The following APCDD1L variants were observed in gnomAD, a reference collection of about 807,000 sequenced individuals.
APCDD1L encodes the protein APC down-regulated 1 like.
A neutral mutation model predicts 24.2 loss-of-function variants in APCDD1L; 21 were observed. That is an observed-to-expected ratio of 0.87 (90% CI 0.61 to 1.25). The LOEUF is 1.25. APCDD1L is among the 50% of genes most tolerant of loss of function. The pLI, the probability that APCDD1L is intolerant of heterozygous loss-of-function variation, is 0.00. For missense variants in APCDD1L, 704 were observed against 711.7 expected (o/e 0.99, Z 0.12); for synonymous variants, 321 against 323.6 (o/e 0.99, Z 0.09).
Position 58,494,708 on chromosome 20 carries a change from C to T in APCDD1L, c.49+19951G>A, listed in dbSNP as rs1292227247. 6.6e-6 allele frequency among the ~76,000 whole-genome samples: 1 copy of T among 152,148 alleles called. No homozygotes were observed. The highest frequency in any genetic ancestry group is 1.5e-5 in the Non-Finnish European group (1 of 68,034). ...TATCTAATAAAAATGCACATTTGAT[C>T]AAGTCAGTCCTGTTGAAAGCCCCTT... On this transcript the variant is annotated intron_variant, in intron 1 of 3. Coordinates refer to ENST00000371149, the MANE Select transcript of APCDD1L (RefSeq NM_153360.3). The surrounding 1 kb of genome is among the most constrained non-coding windows in gnomAD (Gnocchi z 4.8).
At chr20:58,488,797 G>T (rs533743823) in intron 1 of APCDD1L, among the ~76,000 whole-genome samples, 2 of 152,048 alleles carry the variant, frequency 1.3e-5, no homozygotes. Flanking sequence ...AAAGATAACC[G>T]TCCAATTTAA....
chr20:58,505,957 A>T (rs1003753981), intron 1 of APCDD1L, among the ~76,000 whole-genome samples: 1 of 152,170 alleles, frequency 6.6e-6, no homozygotes, highest in Non-Finnish European at 1.5e-5. Flanking sequence ...CTGCTGGCAA[A>T]TACCAGAAGC....
At chr20:58,472,449 C>T (rs939608115) in intron 1 of APCDD1L, among the ~76,000 whole-genome samples, 4 of 152,054 alleles carry the variant, frequency 2.6e-5, no homozygotes, top group Non-Finnish European at 4.4e-5. Context: ...TGTTGGACTT[C>T]GGGGTGTGAC....
intron 2 of APCDD1L, among the ~76,000 whole-genome samples, chr20:58,470,326 G>A (rs1048700793): frequency 3.9e-5 from 6 of 152,216 alleles, no homozygotes; most frequent in African/African-American, 1.4e-4. Context: ...CGCATGTTGA[G>A]CGCATGTCCC....
Position 58,461,370 on chromosome 20 carries a change from C to G in APCDD1L, c.926G>C (p.Arg309Pro). 1.3e-6 allele frequency: 2 copies of G among 1,565,882 alleles called. No homozygotes were observed. Among genetic ancestry groups the G allele is most frequent in the South Asian group, 2.4e-5 (2 of 84,622 alleles). The change falls in exon 4 of 4, where the codon CGC becomes CCC. Residue 309 changes from arginine (R) to proline (P), a missense_variant. Coordinates refer to ENST00000371149, the MANE Select transcript of APCDD1L (RefSeq NM_153360.3). This position sits in a 1 kb window ranked among gnomAD's most constrained non-coding sequence, Gnocchi z 6.0. ...GTGGTGGTAATACCCTTCCCAGGAGCGGCTGTGCCCGTGGAAAGTGAAGAG... is the reference window on the plus strand; with the variant it reads ...GTGGTGGTAATACCCTTCCCAGGAGGGGCTGTGCCCGTGGAAAGTGAAGAG... ...TRLFTFHGHS[R>P]SWEGYYHHFS...
intron 1 of APCDD1L, among the ~76,000 whole-genome samples, chr20:58,500,688 G>A (rs996847602): frequency 7.9e-5 from 12 of 151,962 alleles, no homozygotes; most frequent in Admixed American, 2.6e-4. Context: ...CTTTCCTTTC[G>A]GCTCACACCC....
chr20:58,480,092 G>A (rs1989995523), intron 1 of APCDD1L, among the ~76,000 whole-genome samples: 1 of 152,190 alleles, frequency 6.6e-6, no homozygotes, highest in Admixed American at 6.5e-5. Flanking sequence ...TCTCTCATTT[G>A]GCTATAATGG....
At position 58,467,077 on chromosome 20, in the gene APCDD1L, CT is replaced by C. The variant is rs765796736; in HGVS notation, c.741+28del. 1 of 1,564,094 alleles carries C rather than the reference CT, an allele frequency of 6.4e-7. No homozygotes were observed. Among genetic ancestry groups the C allele is most frequent in the South Asian group, 1.1e-5 (1 of 87,368 alleles). On this transcript the variant is annotated intron_variant, in intron 3 of 3. Coordinates refer to ENST00000371149, the MANE Select transcript of APCDD1L (RefSeq NM_153360.3). This position sits in a 1 kb window ranked among gnomAD's most constrained non-coding sequence, Gnocchi z 5.9. ...TCGCCTCCCCGAGACCACCACCCCC[CT>C]CTCCCACACCCCAACACACACACTC...
intron 1 of APCDD1L, among the ~76,000 whole-genome samples, chr20:58,502,718 A>T (rs1174710608): frequency 6.7e-6 from 1 of 149,430 alleles, no homozygotes; most frequent in Non-Finnish European, 1.5e-5. Flanking sequence ...CTTTGTATTT[A>T]AGCAGAACAA....
intron 3 of APCDD1L, among the ~76,000 whole-genome samples, chr20:58,463,941 A>G (rs1232701730): frequency 3.9e-5 from 5 of 126,956 alleles, no homozygotes; most frequent in Admixed American, 2.5e-4. Context: ...TTTTATTTCT[A>G]TAATGAACCT....
rs1234408206 is a variant in APCDD1L, at chr20:58,461,861, T to C, written c.742-307A>G. The C allele has an allele frequency of 9.2e-6, 3 of 326,002 alleles. No individual in the cohort carries two copies. Among genetic ancestry groups the C allele is most frequent in the Non-Finnish European group, 1.7e-5 (3 of 179,752 alleles). 20.2% of individuals were successfully genotyped at this position (326,002 alleles called of 1,614,324 possible). On this transcript the variant is annotated intron_variant, in intron 3 of 3. Coordinates refer to ENST00000371149, the MANE Select transcript of APCDD1L (RefSeq NM_153360.3). The surrounding 1 kb of genome is among the most constrained non-coding windows in gnomAD (Gnocchi z 6.0). ...GTCTCAGCTGGGCACCAGAGAGAGC[T>C]TTCCCGAATGCCCCATGTAAGGTGG...
rs773177630 is a variant in APCDD1L, at chr20:58,467,283, C to T, written c.564G>A (p.Ala188=). 1 of 1,554,030 alleles carries T rather than the reference C, an allele frequency of 6.4e-7. No homozygotes were observed. Among genetic ancestry groups the T allele is most frequent in the Non-Finnish European group, 8.6e-7 (1 of 1,156,778 alleles). The change falls in exon 3 of 4, where the codon GCG becomes GCA. Residue 188 remains alanine, a synonymous_variant. Transcript: ENST00000371149. The surrounding 1 kb of genome is among the most constrained non-coding windows in gnomAD (Gnocchi z 5.9). ...TGAGCTCGTGCATGGTGAGGCCCAG[C>T]GCCTCCAGGCAGTCCCCCTGAGCCC... ...SARAQGDCLE[A]LGLTMHELSL...
intron 1 of APCDD1L, among the ~76,000 whole-genome samples, chr20:58,477,592 A>G (rs1436660626): frequency 1.3e-5 from 2 of 152,206 alleles, no homozygotes; most frequent in African/African-American, 2.4e-5. Context: ...CCACTATTAA[A>G]TTACTACTTT....
In APCDD1L at chr20:58,501,469, C is replaced by T. The variant is rs533263618; in HGVS notation, c.49+13190G>A. Among the ~76,000 whole-genome samples, 11 of 152,328 alleles carry T rather than the reference C, an allele frequency of 7.2e-5. No individual in the cohort carries two copies. The East Asian group carries it at 7.7e-4, about 11-fold the overall frequency. ...GGCCGTAGAGGGCACAGCTAGAAGA[C>T]GGCCACCTACAAGCCAGGGAGGGCA... On this transcript the variant is annotated intron_variant, in intron 1 of 3. Coordinates refer to ENST00000371149, the MANE Select transcript of APCDD1L (RefSeq NM_153360.3).
intron 1 of APCDD1L, among the ~76,000 whole-genome samples, chr20:58,499,168 A>G (rs1262048289): frequency 2.0e-5 from 3 of 152,140 alleles, no homozygotes; most frequent in African/African-American, 2.4e-5. Context: ...CTTCATCGGC[A>G]TGGTCCAGCT....
intron 1 of APCDD1L, among the ~76,000 whole-genome samples, chr20:58,500,880 G>C (rs1348391256): frequency 1.3e-5 from 2 of 152,118 alleles, no homozygotes; most frequent in Non-Finnish European, 2.9e-5. Flanking sequence ...TCTCCAAGCT[G>C]TCCACTTCCC....
rs1311982052 is a variant in APCDD1L, at chr20:58,470,733, C to G, written c.64G>C (p.Ala22Pro). Reference protein sequence around the residue: ...LVLLGAHTAPAAGEAGGSCLR... With the variant: ...LVLLGAHTAPPAGEAGGSCLR... ...CAGCTGCCCCCGGCCTCCCCAGCCG[C>G]CGGTGCAGTGTGGGCTGCAAAGCAG... The change falls in exon 2 of 4, where the codon GCG becomes CCG. Residue 22 changes from alanine (A) to proline (P), a missense_variant. Physicochemically the swap from Ala to Pro is conservative, Grantham distance 27 (BLOSUM62 -1). Coordinates refer to ENST00000371149, the MANE Select transcript of APCDD1L (RefSeq NM_153360.3). The G allele has an allele frequency of 6.5e-7, 1 of 1,538,856 alleles. No homozygotes were observed. The highest frequency in any genetic ancestry group is 1.4e-5 in the African/African-American group (1 of 73,016).
At chr20:58,480,205 T>C (rs1193464183) in intron 1 of APCDD1L, among the ~76,000 whole-genome samples, 3 of 152,122 alleles carry the variant, frequency 2.0e-5, no homozygotes, top group Admixed American at 6.5e-5. Context: ...AGAAATTATA[T>C]GCTCTAAACA....
chr20:58,475,722 T>A (rs1490086887), intron 1 of APCDD1L, among the ~76,000 whole-genome samples: 2 of 152,058 alleles, frequency 1.3e-5, no homozygotes, highest in African/African-American at 4.8e-5. Context: ...CAGGAGTCGA[T>A]CCTTTCCCAG....
Sources: allele counts gnomAD v4.1 joint callset (sites outside exome capture counted in the v4.1 genomes callset), GRCh38; gene constraint gnomAD v4.1.1; non-coding constraint Gnocchi (gnomAD v3.1); transcripts MANE v1.5; gene names NCBI Gene and HGNC (gene_info 2026-07-23, HGNC 2026-07-21).